GPHN: variants seen among roughly 807,000 people sequenced by gnomAD.
GPHN encodes the protein gephyrin.
Under a neutral mutation model 95.5 loss-of-function variants are expected in GPHN, and 17 were observed. The observed-to-expected ratio is 0.18, with a 90% CI of 0.12 to 0.27. The LOEUF (loss-of-function observed/expected upper bound fraction) is 0.27. Among genes scored for constraint, GPHN ranks in the 10% least tolerant of loss-of-function variants. The pLI is 1.00. For missense variants in GPHN, 660 were observed against 978.1 expected, an observed-to-expected ratio of 0.67 and a Z score of 4.34; for synonymous variants, 320 against 322.5, an observed-to-expected ratio of 0.99 and a Z score of 0.08.
At chr14:67,714,715 G>A in the GPHN span, 1 of 152,700 alleles carries the variant, frequency 6.5e-6, no homozygotes, top group Admixed American at 6.5e-5. Context: ...TGTTATCATG[G>A]TATTAGGGAC....
At chr14:67,459,073 A>G in the GPHN span, among the ~76,000 whole-genome samples, 1 of 152,092 alleles carries the variant, frequency 6.6e-6, no homozygotes, top group Non-Finnish European at 1.5e-5. Flanking sequence ...TATTTTTGGT[A>G]GAGATGGGGT....
chr14:67,253,234 T>A, the GPHN span, among the ~76,000 whole-genome samples: 1 of 152,198 alleles, frequency 6.6e-6, no homozygotes, highest in Admixed American at 6.5e-5. Flanking sequence ...ACATCAAGAA[T>A]GGTAGGCATG....
At chr14:66,896,596 T>A (rs1040964400) in intron 5 of GPHN, among the ~76,000 whole-genome samples, 7 of 151,886 alleles carry the variant, frequency 4.6e-5, no homozygotes, top group African/African-American at 4.8e-5. Context: ...GGGTACAGAG[T>A]GAGACCCTCT....
the GPHN span, among the ~76,000 whole-genome samples, chr14:67,381,002 T>TA: frequency 6.6e-6 from 1 of 152,156 alleles, no homozygotes; most frequent in Non-Finnish European, 1.5e-5. Context: ...GCCCTTTTTT[T>TA]AAAAAGAGGG....
chr14:67,694,629 T>C, the GPHN span, among the ~76,000 whole-genome samples: 1 of 151,314 alleles, frequency 6.6e-6, no homozygotes. Flanking sequence ...GAAAAAAAGA[T>C]AAAAAGCAGT....
chr14:67,497,213 T>C, the GPHN span, among the ~76,000 whole-genome samples: 1 of 152,024 alleles, frequency 6.6e-6, no homozygotes, highest in African/African-American at 2.4e-5. Flanking sequence ...TGCCCTGGGT[T>C]GTCTGGGGTC....
chr14:67,583,554 G>A, the GPHN span, among the ~76,000 whole-genome samples: 1 of 152,310 alleles, frequency 6.6e-6, no homozygotes, highest in Admixed American at 6.5e-5. Context: ...ATATTCGAGG[G>A]CCCTAAGTTT....
intron 8 of GPHN, among the ~76,000 whole-genome samples, chr14:66,926,485 C>T (rs2066489232): frequency 2.0e-5 from 3 of 152,110 alleles, no homozygotes; most frequent in Admixed American, 2.0e-4. Flanking sequence ...CCAGTTTTCC[C>T]AGCACCATTT....
intron 3 of GPHN, among the ~76,000 whole-genome samples, chr14:66,786,414 A>C (rs987620538): frequency 6.6e-6 from 1 of 152,178 alleles, no homozygotes; most frequent in South Asian, 2.1e-4. Context: ...TGAAAAAGAA[A>C]GCCTCAGGAC....
intron 2 of GPHN, among the ~76,000 whole-genome samples, chr14:66,701,684 A>G (rs2068568261): frequency 6.6e-6 from 1 of 152,190 alleles, no homozygotes; most frequent in Admixed American, 6.5e-5. Flanking sequence ...ACACTCGTGA[A>G]CCTACGCTAC....
chr14:66,932,480 TC>T (rs2066878468), intron 8 of GPHN, among the ~76,000 whole-genome samples: 1 of 141,584 alleles, frequency 7.1e-6, no homozygotes, highest in Non-Finnish European at 1.5e-5. Flanking sequence ...TTTTTTTTTT[TC>T]AGTGCAGCAG....
intron 9 of GPHN, among the ~76,000 whole-genome samples, chr14:66,989,315 A>G (rs75344937): frequency 0.024 from 3,674 of 152,110 alleles, 71 homozygotes; most frequent in Non-Finnish European, 0.036. Context: ...GAAACCCATA[A>G]AAATATTTTA....
intron 8 of GPHN, among the ~76,000 whole-genome samples, chr14:66,941,257 T>TAA (rs35289961): frequency 0.019 from 2,856 of 149,802 alleles, 37 homozygotes; most frequent in Middle Eastern, 0.031. Context: ...TTATTTTCAT[T>TAA]AAAAAAAAAA....
At chr14:66,698,627 C>T (rs2068282049) in intron 2 of GPHN, among the ~76,000 whole-genome samples, 1 of 152,158 alleles carries the variant, frequency 6.6e-6, no homozygotes, top group South Asian at 2.1e-4. Context: ...CAGTCTTACT[C>T]ATTCACCTAT....
the GPHN span, among the ~76,000 whole-genome samples, chr14:67,459,711 C>T: frequency 3.3e-5 from 5 of 152,218 alleles, no homozygotes; most frequent in African/African-American, 4.8e-5. Flanking sequence ...AGAGCACACA[C>T]GCTGTTCCTC....
chr14:66,692,132 T>C (rs1266596953), intron 2 of GPHN, among the ~76,000 whole-genome samples: 1 of 152,208 alleles, frequency 6.6e-6, no homozygotes, highest in Non-Finnish European at 1.5e-5. Context: ...TACTAATATA[T>C]ATAGTTAACT....
intron 11 of GPHN, among the ~76,000 whole-genome samples, chr14:67,060,105 T>A (rs1216269689): frequency 6.6e-6 from 1 of 152,076 alleles, no homozygotes; most frequent in African/African-American, 2.4e-5. Flanking sequence ...TCCCTGGTTT[T>A]TTCTTTTTTA....
At chr14:66,790,367 C>A (rs941373774) in intron 3 of GPHN, among the ~76,000 whole-genome samples, 4 of 152,164 alleles carry the variant, frequency 2.6e-5, no homozygotes, top group Non-Finnish European at 5.9e-5. Context: ...AACCTGAATC[C>A]AGGGCCACTA....
At chr14:66,524,534 C>T (rs1358320022) in intron 1 of GPHN, among the ~76,000 whole-genome samples, 1 of 151,968 alleles carries the variant, frequency 6.6e-6, no homozygotes, top group Non-Finnish European at 1.5e-5. Flanking sequence ...TTCTGGGGTA[C>T]CTGTGCAGAA....
Sources: gnomAD v4.1 joint callset for allele counts (sites outside exome capture counted in the v4.1 genomes callset) on GRCh38, gnomAD v4.1.1 for gene constraint, MANE v1.5 for transcripts, NCBI Gene and HGNC (gene_info 2026-07-23, HGNC 2026-07-21) for gene names.